The following TOX variants were observed in gnomAD, a reference collection of about 807,000 sequenced individuals.
The protein encoded by TOX is thymocyte selection associated high mobility group box, also known as thymocyte selection-associated high mobility group box protein TOX.
A neutral mutation model predicts 53.7 loss-of-function variants in TOX; 11 were observed. That is an observed-to-expected ratio of 0.20 (90% CI 0.13 to 0.34). The LOEUF (loss-of-function observed/expected upper bound fraction) is 0.34. Among genes scored for constraint, TOX ranks in the 10% least tolerant of loss-of-function variants. The probability of loss-of-function intolerance (pLI) is 1.00; values close to 1 mark genes in which losing one functional copy is unlikely to be tolerated. For synonymous variants in TOX, 225 were observed against 245.3 expected (o/e 0.92, Z 0.77); for missense variants, 570 against 664.6 (o/e 0.86, Z 1.56).
At chr8:58,824,439 C>T (rs1194385986) in intron 6 of TOX, among the ~76,000 whole-genome samples, 1 of 152,202 alleles carries the variant, frequency 6.6e-6, no homozygotes, top group Non-Finnish European at 1.5e-5. Flanking sequence ...TTTCCAACTT[C>T]AGCTCAAACC....
intron 1 of TOX, among the ~76,000 whole-genome samples, chr8:59,024,275 T>A (rs385612): frequency 0.085 from 12,999 of 152,226 alleles, 1,218 homozygotes; most frequent in East Asian, 0.41. Context: ...GAAATAAATA[T>A]TTCACAGCAT....
At chr8:58,855,550 G>A (rs144187700) in intron 3 of TOX, among the ~76,000 whole-genome samples, 9 of 152,040 alleles carry the variant, frequency 5.9e-5, no homozygotes, top group East Asian at 3.9e-4. Flanking sequence ...CCTTCCACCC[G>A]TTTCCACACC....
intron 4 of TOX, among the ~76,000 whole-genome samples, chr8:58,844,201 C>A (rs1585856303): frequency 1.3e-5 from 2 of 152,256 alleles, no homozygotes; most frequent in Middle Eastern, 3.4e-3. Flanking sequence ...ATGCTCTCTG[C>A]CGTGTCTAAA....
chr8:59,033,860 C>T (rs894465197), intron 1 of TOX, among the ~76,000 whole-genome samples: 2 of 152,308 alleles, frequency 1.3e-5, no homozygotes, highest in South Asian at 2.1e-4. Context: ...ACATGTGGGG[C>T]TGCTCCTGTG....
intron 1 of TOX, among the ~76,000 whole-genome samples, chr8:58,965,894 G>GCTTTTT (rs1374766431): frequency 1.8e-4 from 9 of 49,618 alleles, no homozygotes; most frequent in African/African-American, 6.9e-4. Flanking sequence ...ACGAGTCATC[G>GCTTTTT]TTTTTTTTTT....
intron 6 of TOX, among the ~76,000 whole-genome samples, chr8:58,818,567 A>C (rs929637750): frequency 2.6e-5 from 4 of 152,162 alleles, no homozygotes; most frequent in Non-Finnish European, 5.9e-5. Flanking sequence ...CGCATCTACC[A>C]TAGTGCAAAA....
intron 3 of TOX, among the ~76,000 whole-genome samples, chr8:58,915,534 C>T (rs1376088866): frequency 1.4e-4 from 18 of 130,998 alleles, no homozygotes; most frequent in Admixed American, 2.3e-4. Context: ...AGGACATCTA[C>T]ACCGAAAACC....
Position 58,970,496 on chromosome 8 carries a change from A to G in TOX, c.103-10488T>C, listed in dbSNP as rs187093066. 1.2e-4 allele frequency among the ~76,000 whole-genome samples: 18 copies of G among 152,334 alleles called. No individual in the cohort carries two copies. In the East Asian group the frequency reaches 3.1e-3, roughly 26 times the overall value. ...AGATTACTAATTATGATTGAATAAC[A>G]TGCAGAAACTTGAAGTCTCCCAGCC... On this transcript the variant is annotated intron_variant, in intron 1 of 8. Coordinates refer to ENST00000361421, the MANE Select transcript of TOX (RefSeq NM_014729.3).
chr8:59,028,656 C>G (rs766356391), intron 1 of TOX, among the ~76,000 whole-genome samples: 1 of 152,096 alleles, frequency 6.6e-6, no homozygotes, highest in Non-Finnish European at 1.5e-5. Context: ...ACATAGATTA[C>G]GTCAGCTCCT....
At chr8:58,956,893 A>G (rs7824297) in intron 2 of TOX, among the ~76,000 whole-genome samples, 94,156 of 151,852 alleles carry the variant, frequency 0.62, 30,581 homozygotes, top group Non-Finnish European at 0.71. Flanking sequence ...GATTACAGGC[A>G]TGAGCCACCA....
chr8:58,863,967 C>T (rs1811054042), intron 3 of TOX, among the ~76,000 whole-genome samples: 1 of 144,836 alleles, frequency 6.9e-6, no homozygotes, highest in Non-Finnish European at 1.5e-5. Context: ...GTGAGCATCA[C>T]TTAGAATTAA....
chr8:58,950,637 G>T (rs1336890030), intron 2 of TOX, among the ~76,000 whole-genome samples: 1 of 152,166 alleles, frequency 6.6e-6, no homozygotes. Flanking sequence ...GTTTAATGAC[G>T]ATAAGAACCC....
rs28626920 is a variant in TOX at position 59,101,568 on chromosome 8, T to A, written c.102+17318A>T. ...CATTCTCCTAGACTGCTGTTGCAGA[T>A]GAAACTTCAAAATGTGTTAAATATG... On this transcript the variant is annotated intron_variant, in intron 1 of 8. Transcript: ENST00000361421. Among the ~76,000 whole-genome samples the A allele has an allele frequency of 4.1e-3, 624 of 152,328 alleles. 1 individual carries two copies. The highest frequency in any genetic ancestry group is 0.015 in the African/African-American group (607 of 41,560).
chr8:58,937,712 C>T (rs1290343578), intron 3 of TOX, among the ~76,000 whole-genome samples: 1 of 152,102 alleles, frequency 6.6e-6, no homozygotes, highest in African/African-American at 2.4e-5. Context: ...ATTATCCTTC[C>T]TATGGCCCCA....
At chr8:58,998,775 A>T (rs1813633291) in intron 1 of TOX, among the ~76,000 whole-genome samples, 1 of 151,690 alleles carries the variant, frequency 6.6e-6, no homozygotes. Flanking sequence ...CTGCTAACTG[A>T]ATAATTGATT....
chr8:59,017,343 T>C (rs1462381553), intron 1 of TOX, among the ~76,000 whole-genome samples: 2 of 152,224 alleles, frequency 1.3e-5, no homozygotes, highest in Non-Finnish European at 2.9e-5. Flanking sequence ...TTAAATGGCA[T>C]TGTGCATCAG....
At chr8:58,932,897 G>C (rs1432216554) in intron 3 of TOX, among the ~76,000 whole-genome samples, 1 of 152,124 alleles carries the variant, frequency 6.6e-6, no homozygotes, top group East Asian at 1.9e-4. Flanking sequence ...ATAAATCTGA[G>C]TATATACATT....
chr8:58,831,344 G>A (rs977364916), intron 5 of TOX, among the ~76,000 whole-genome samples: 1 of 152,138 alleles, frequency 6.6e-6, no homozygotes, highest in African/African-American at 2.4e-5. Context: ...CTACTGTGGT[G>A]TGAGGCACCG....
chr8:59,047,203 GTTTTTTTT>G (rs10551461), intron 1 of TOX, among the ~76,000 whole-genome samples: 1 of 44,674 alleles, frequency 2.2e-5, no homozygotes, highest in Non-Finnish European at 4.0e-5. Flanking sequence ...ACCAAGAATT[GTTTTTTTT>G]TTTTTTTTTT....
Sources: gnomAD v4.1 joint callset for allele counts (sites outside exome capture counted in the v4.1 genomes callset) on GRCh38, gnomAD v4.1.1 for gene constraint, MANE v1.5 for transcripts, NCBI Gene and HGNC (gene_info 2026-07-23, HGNC 2026-07-21) for gene names.